Variants in HOMER1 observed in about 807,000 individuals in gnomAD.
HOMER1 encodes the protein homer protein homolog 1.
Under a neutral mutation model 48.9 loss-of-function variants are expected in HOMER1, and 3 were observed. That is an observed-to-expected ratio of 0.06 (90% CI 0.03 to 0.16). HOMER1 has a LOEUF of 0.16. HOMER1 is among the 10% of genes least tolerant of loss of function. HOMER1 has a pLI of 1.00. For synonymous variants in HOMER1, 134 were observed against 146.4 expected (o/e 0.92, Z 0.61); for missense variants, 247 against 411.4 (o/e 0.60, Z 3.46).
intron 1 of HOMER1, among the ~76,000 whole-genome samples, chr5:79,486,940 C>T (rs1237015420): frequency 6.6e-6 from 1 of 152,074 alleles, no homozygotes; most frequent in Non-Finnish European, 1.5e-5. Context: ...AGCAAAGTAC[C>T]CTTTGAGAAT....
At chr5:79,389,685 G>A (rs1488062418) in intron 8 of HOMER1, among the ~76,000 whole-genome samples, 1 of 152,146 alleles carries the variant, frequency 6.6e-6, no homozygotes, top group African/African-American at 2.4e-5. Flanking sequence ...AACCAAACCC[G>A]CCCGTACCTT....
At chr5:79,398,733 G>T (rs1749460035) in intron 6 of HOMER1, among the ~76,000 whole-genome samples, 1 of 151,796 alleles carries the variant, frequency 6.6e-6, no homozygotes, top group South Asian at 2.1e-4. Flanking sequence ...CTGTATATTG[G>T]CCCCAACCTT....
chr5:79,503,056 G>A (rs1169033338), intron 1 of HOMER1, among the ~76,000 whole-genome samples: 4 of 152,006 alleles, frequency 2.6e-5, no homozygotes, highest in Non-Finnish European at 4.4e-5. Context: ...CAAAGTGCTG[G>A]GATTACAGGC....
At chr5:79,385,439 G>A (rs999020396) in intron 8 of HOMER1, among the ~76,000 whole-genome samples, 4 of 151,986 alleles carry the variant, frequency 2.6e-5, no homozygotes, top group Non-Finnish European at 5.9e-5. Context: ...AATGGGCAAA[G>A]GACATAAATA....
rs1750674296 is a variant in HOMER1, at chr5:79,439,129, A to C, written c.408T>G (p.Leu136=). ...TPSQESAGGD[L]QSPLTPESIN... ...TACTTTCCGGTGTTAAAGGAGACTG[A>C]AGATCCCCGCCTGCGGATTCCTTTA... The change falls in exon 5 of 9, where the codon CTT becomes CTG. Residue 136 remains leucine, a synonymous_variant. Coordinates refer to ENST00000334082, the MANE Select transcript of HOMER1 (RefSeq NM_004272.5). 4 of 1,613,914 alleles carry C rather than the reference A, an allele frequency of 2.5e-6. No homozygotes were observed. The highest frequency in any genetic ancestry group is 3.4e-6 in the Non-Finnish European group (4 of 1,179,960).
intron 1 of HOMER1, among the ~76,000 whole-genome samples, chr5:79,484,036 A>G (rs1752025216): frequency 1.6e-5 from 2 of 125,658 alleles, no homozygotes; most frequent in South Asian, 5.0e-4. Flanking sequence ...ACAGAGCAAG[A>G]CTCCATCTCA....
At chr5:79,451,289 A>AC (rs1751019655) in intron 2 of HOMER1, among the ~76,000 whole-genome samples, 168 bp from the exon 3 acceptor site, 1 of 152,220 alleles carries the variant, frequency 6.6e-6, no homozygotes, top group Admixed American at 6.5e-5. Flanking sequence ...ATAGTGTGGA[A>AC]ATATGTTAAC....
At chr5:79,496,311 G>A (rs1433564556) in intron 1 of HOMER1, among the ~76,000 whole-genome samples, 1 of 152,124 alleles carries the variant, frequency 6.6e-6, no homozygotes, top group Non-Finnish European at 1.5e-5. Context: ...AGACAGGAGT[G>A]GGGCCTAAAA....
chr5:79,501,482 G>C (rs1752588564), intron 1 of HOMER1, among the ~76,000 whole-genome samples: 1 of 152,170 alleles, frequency 6.6e-6, no homozygotes, highest in South Asian at 2.1e-4. Context: ...CCCCCACCAT[G>C]TTCAAGGGAC....
chr5:79,467,971 T>G (rs1021877629), intron 1 of HOMER1, among the ~76,000 whole-genome samples: 1 of 152,124 alleles, frequency 6.6e-6, no homozygotes, highest in Non-Finnish European at 1.5e-5. Flanking sequence ...AGATGGGGTT[T>G]CACTGTTACC....
At chr5:79,460,015 T>C (rs185981829) in intron 1 of HOMER1, among the ~76,000 whole-genome samples, 221 of 82,582 alleles carry the variant, frequency 2.7e-3, no homozygotes, top group African/African-American at 9.7e-3. Context: ...TTTGCTTTTT[T>C]CTTTCTTTCT....
chr5:79,469,935 C>T (rs1751573861), intron 1 of HOMER1, among the ~76,000 whole-genome samples: 1 of 152,164 alleles, frequency 6.6e-6, no homozygotes, highest in Non-Finnish European at 1.5e-5. Context: ...AGCTCTATTT[C>T]ATAAAAGTAG....
rs528002175 is a variant in HOMER1, at chr5:79,431,614, T to C, written c.527+7396A>G. ...CCACTGAATTGTATACCTGAGGTAGTTGTTATTTAGTATTTGAATTATATC... is the reference window on the plus strand; with the variant it reads ...CCACTGAATTGTATACCTGAGGTAGCTGTTATTTAGTATTTGAATTATATC... On this transcript the variant is annotated intron_variant, in intron 5 of 8. Coordinates refer to ENST00000334082, the MANE Select transcript of HOMER1 (RefSeq NM_004272.5). Among the ~76,000 whole-genome samples, 5 of 152,250 alleles carry C rather than the reference T, an allele frequency of 3.3e-5. No homozygotes were observed. In the South Asian group the frequency reaches 8.3e-4, roughly 25 times the overall value.
At chr5:79,416,395 T>C (rs1216406377) in intron 5 of HOMER1, among the ~76,000 whole-genome samples, 4 of 152,288 alleles carry the variant, frequency 2.6e-5, no homozygotes, top group Middle Eastern at 3.4e-3. Flanking sequence ...ATCTATGTTA[T>C]GTGTACTCCA....
At chr5:79,455,625 T>A (rs1751154012) in intron 2 of HOMER1, among the ~76,000 whole-genome samples, 1 of 152,186 alleles carries the variant, frequency 6.6e-6, no homozygotes, top group Non-Finnish European at 1.5e-5. Flanking sequence ...AATGGACTAA[T>A]ATAGATGGCA....
At chr5:79,455,754 G>T (rs1161411075) in intron 2 of HOMER1, among the ~76,000 whole-genome samples, 2 of 152,158 alleles carry the variant, frequency 1.3e-5, no homozygotes, top group Non-Finnish European at 2.9e-5. Context: ...ATGGCTTTAA[G>T]AAACTGAAGA....
chr5:79,507,167 C>T (rs1230910326), intron 1 of HOMER1, among the ~76,000 whole-genome samples: 2 of 136,444 alleles, frequency 1.5e-5, no homozygotes, highest in African/African-American at 5.5e-5. Context: ...GAGCCAAGAT[C>T]GCGCCACTGC....
chr5:79,487,660 A>G (rs1219434469), intron 1 of HOMER1, among the ~76,000 whole-genome samples: 4 of 152,230 alleles, frequency 2.6e-5, no homozygotes, highest in Non-Finnish European at 5.9e-5. Flanking sequence ...ATCCACAAAC[A>G]TAACAACCAA....
At chr5:79,418,959 G>A (rs1750023389) in intron 5 of HOMER1, among the ~76,000 whole-genome samples, 1 of 152,100 alleles carries the variant, frequency 6.6e-6, no homozygotes, top group Admixed American at 6.5e-5. Context: ...GAAAAGTTGG[G>A]ATCAAATTAT....
Sources: allele counts gnomAD v4.1 joint callset (sites outside exome capture counted in the v4.1 genomes callset), GRCh38; gene constraint gnomAD v4.1.1; transcripts MANE v1.5; gene names NCBI Gene and HGNC (gene_info 2026-07-23, HGNC 2026-07-21).